MIPOL1: variants seen among roughly 807,000 people sequenced by gnomAD.
MIPOL1 encodes mirror-image polydactyly gene 1 protein.
MIPOL1 carries 57 observed loss-of-function variants against 60.9 expected under a neutral mutation model. The ratio of observed to expected loss-of-function variants is 0.94; its 90% CI spans 0.76 to 1.17. MIPOL1 has a LOEUF of 1.17. Ranked by LOEUF, MIPOL1 falls within the 50% of genes most tolerant of loss-of-function variation. The probability of loss-of-function intolerance (pLI) is 0.00; values close to 1 mark genes in which losing one functional copy is unlikely to be tolerated. For synonymous variants in MIPOL1, 179 were observed against 168.8 expected, an observed-to-expected ratio of 1.06 and a Z score of -0.47; for missense variants, 551 against 511.6, an observed-to-expected ratio of 1.08 and a Z score of -0.74.
intron 11 of MIPOL1, 144 bp from the exon 12 acceptor site, chr14:37,499,764 G>A: frequency 2.1e-6 from 1 of 475,736 alleles, no homozygotes; most frequent in Non-Finnish European, 3.8e-6. Context: ...ATAATGTTGT[G>A]ACATAAAAAT....
intron 11 of MIPOL1, among the ~76,000 whole-genome samples, chr14:37,471,815 C>T (rs575757295): frequency 6.6e-6 from 1 of 152,192 alleles, no homozygotes; most frequent in Admixed American, 6.6e-5. Context: ...CAAATTAATA[C>T]CTACTTTTAT....
At chr14:37,411,299 T>G (rs2093677545) in intron 10 of MIPOL1, among the ~76,000 whole-genome samples, 1 of 152,152 alleles carries the variant, frequency 6.6e-6, no homozygotes, top group Non-Finnish European at 1.5e-5. Context: ...AACACATGAT[T>G]TCTTTCACAC....
intron 11 of MIPOL1, among the ~76,000 whole-genome samples, chr14:37,430,358 C>G (rs1355238470): frequency 6.6e-6 from 1 of 151,970 alleles, no homozygotes; most frequent in Admixed American, 6.6e-5. Flanking sequence ...CATTTAAAGT[C>G]AAACAGTCTT....
At chr14:37,249,898 A>G (rs1594735585) in intron 3 of MIPOL1, among the ~76,000 whole-genome samples, 1 of 152,196 alleles carries the variant, frequency 6.6e-6, no homozygotes, top group African/African-American at 2.4e-5. Context: ...TGTAAGAGTT[A>G]TATTAAAATT....
chr14:37,518,381 C>G (rs559863266), intron 12 of MIPOL1, among the ~76,000 whole-genome samples: 1 of 152,314 alleles, frequency 6.6e-6, no homozygotes, highest in South Asian at 2.1e-4. Flanking sequence ...GAGTCTTACT[C>G]TGGAGTGCAG....
At chr14:37,356,590 T>C (rs2091854511) in intron 9 of MIPOL1, among the ~76,000 whole-genome samples, 1 of 152,106 alleles carries the variant, frequency 6.6e-6, no homozygotes, top group Non-Finnish European at 1.5e-5. Context: ...CCGAGCCAGG[T>C]GCGGGATATA....
intron 1 of MIPOL1, among the ~76,000 whole-genome samples, chr14:37,218,015 G>A (rs577906611): frequency 1.1e-4 from 17 of 151,950 alleles, no homozygotes; most frequent in African/African-American, 3.1e-4. Context: ...TTTTTATCTC[G>A]TTCAGAAGTT....
At chr14:37,432,968 G>A (rs1032243924) in intron 11 of MIPOL1, among the ~76,000 whole-genome samples, 4 of 152,176 alleles carry the variant, frequency 2.6e-5, no homozygotes, top group Non-Finnish European at 4.4e-5. Context: ...ATTTTAAGAA[G>A]TTGGCTCAAA....
Position 37,316,927 on chromosome 14 carries a change from G to A in MIPOL1, c.828+8408G>A, listed in dbSNP as rs376687877. ...CAGGAGGCGGAGGTTGCAGTGAGCC[G>A]AGATTGTGTCATTGCACTCCAGCCT... On this transcript the variant is annotated intron_variant, in intron 9 of 12. Coordinates refer to ENST00000684589, the MANE Select transcript of MIPOL1 (RefSeq NM_001388067.1). Among the ~76,000 whole-genome samples, 3 of 151,982 alleles carry A rather than the reference G, an allele frequency of 2.0e-5. No homozygotes were observed. In the East Asian group the frequency reaches 5.8e-4, roughly 29 times the overall value.
chr14:37,547,117 C>T lies in MIPOL1; in HGVS notation c.*146C>T, dbSNP rs558807176. On this transcript the variant is annotated 3_prime_UTR_variant, in exon 13 of 13. Coordinates refer to ENST00000684589, the MANE Select transcript of MIPOL1 (RefSeq NM_001388067.1). ...ACCACATTCCAAGCTGAGATAAAAT[C>T]AAATCACAAATGTTTAACCACTTTG... 1.6e-6 allele frequency: 1 copy of T among 640,204 alleles called. No individual in the cohort carries two copies. Among genetic ancestry groups the T allele is most frequent in the African/African-American group, 1.8e-5 (1 of 54,132 alleles). The allele number at this position is 640,204 out of a possible 1,614,324, so 39.7% of individuals were successfully genotyped here.
intron 12 of MIPOL1, among the ~76,000 whole-genome samples, chr14:37,528,554 A>G (rs1250712340): frequency 6.6e-6 from 1 of 152,092 alleles, no homozygotes; most frequent in Non-Finnish European, 1.5e-5. Context: ...GAAAAGAGAG[A>G]AATATAGTAC....
chr14:37,328,363 GT>G (rs2089373897), intron 9 of MIPOL1, among the ~76,000 whole-genome samples: 1 of 152,096 alleles, frequency 6.6e-6, no homozygotes, highest in Non-Finnish European at 1.5e-5. Flanking sequence ...GTGGTCAGTA[GT>G]TCACAGTGTC....
chr14:37,371,247 G>T (rs570849532), intron 10 of MIPOL1, among the ~76,000 whole-genome samples: 1 of 151,856 alleles, frequency 6.6e-6, no homozygotes, highest in South Asian at 2.1e-4. Context: ...AGCCTCCCGG[G>T]TAGCTGAGAC....
intron 12 of MIPOL1, among the ~76,000 whole-genome samples, chr14:37,541,317 C>A (rs1739100867): frequency 6.6e-6 from 1 of 152,200 alleles, no homozygotes; most frequent in African/African-American, 2.4e-5. Context: ...TTGCTTTCTT[C>A]TCCCCTCAGT....
intron 11 of MIPOL1, among the ~76,000 whole-genome samples, chr14:37,452,571 T>C (rs911898399): frequency 6.6e-6 from 1 of 152,214 alleles, no homozygotes; most frequent in Non-Finnish European, 1.5e-5. Flanking sequence ...ATTTCATTAA[T>C]TGTCATGAAT....
chr14:37,378,329 T>A (rs761603993), intron 10 of MIPOL1, among the ~76,000 whole-genome samples: 3 of 151,986 alleles, frequency 2.0e-5, no homozygotes, highest in Non-Finnish European at 4.4e-5. Flanking sequence ...CAATAGAATA[T>A]TACTCAACAA....
At chr14:37,201,378 A>G (rs1442473450) in intron 1 of MIPOL1, among the ~76,000 whole-genome samples, 2 of 152,206 alleles carry the variant, frequency 1.3e-5, no homozygotes, top group Non-Finnish European at 2.9e-5. Context: ...CTGAAGAACA[A>G]AAGACAGGTA....
At chr14:37,296,567 T>G (rs2085713597) in intron 7 of MIPOL1, among the ~76,000 whole-genome samples, 1 of 151,900 alleles carries the variant, frequency 6.6e-6, no homozygotes, top group Non-Finnish European at 1.5e-5. Flanking sequence ...GCAAGACTAA[T>G]AAAGAAGAAA....
intron 11 of MIPOL1, among the ~76,000 whole-genome samples, chr14:37,440,003 G>T (rs2094217081): frequency 6.6e-6 from 1 of 152,048 alleles, no homozygotes. Flanking sequence ...ACCATGCCTG[G>T]CTAATTTGTT....
Sources: allele counts gnomAD v4.1 joint callset (sites outside exome capture counted in the v4.1 genomes callset), GRCh38; gene constraint gnomAD v4.1.1; transcripts MANE v1.5; gene names NCBI Gene and HGNC (gene_info 2026-07-23, HGNC 2026-07-21).